The following CFAP251 variants were observed in gnomAD, a reference collection of about 807,000 sequenced individuals.
CFAP251 encodes cilia and flagella associated protein 251.
In CFAP251, 93 loss-of-function variants were observed where a neutral mutation model predicts 126.7. That is an observed-to-expected ratio of 0.73 (90% CI 0.62 to 0.87). The LOEUF is 0.87. Ranked by LOEUF, CFAP251 falls within the 40% of genes least tolerant of loss-of-function variation. CFAP251 has a pLI of 0.00. For missense variants in CFAP251, 1,287 were observed against 1,389.2 expected, an observed-to-expected ratio of 0.93 and a Z score of 1.17; for synonymous variants, 503 against 506.9, an observed-to-expected ratio of 0.99 and a Z score of 0.10.
Position 121,960,745 on chromosome 12 carries a change from C to T in CFAP251, c.2294C>T (p.Thr765Ile), listed in dbSNP as rs1443445605. 1.2e-6 allele frequency: 2 copies of T among 1,613,340 alleles called. No homozygotes were observed. Among genetic ancestry groups the T allele is most frequent in the African/African-American group, 2.7e-5 (2 of 75,032 alleles). The change falls in exon 14 of 22, where the codon ACA (threonine) becomes ATA (isoleucine). Residue 765 changes from threonine (T) to isoleucine (I), a missense_variant. Thr to Ile is a moderately conservative substitution (Grantham distance 89). Transcript: ENST00000288912. ...SNEPRLLSLG[T>I]DRLLIEYDLL... ...GAGCCTAGACTGCTGAGCCTTGGGA[C>T]AGACAGGCTCTTGGTGAGCTGTTTA...
At chr12:121,964,317 T>G (rs1882048767) in intron 15 of CFAP251, among the ~76,000 whole-genome samples, 1 of 152,198 alleles carries the variant, frequency 6.6e-6, no homozygotes, top group South Asian at 2.1e-4. Context: ...TTTAGAAAGA[T>G]TTCAGAATCA....
In CFAP251 at chr12:121,921,415, A is replaced by T. The variant is rs1474600079; in HGVS notation, c.110A>T (p.Gln37Leu). The change falls in exon 2 of 22, where the codon CAA becomes CTA. Residue 37 changes from glutamine (Q) to leucine (L), a missense_variant. Gln to Leu is a moderately radical substitution (Grantham distance 113). Transcript: ENST00000288912. The part of the protein sequence containing the change: ...NPNYKEVEDP[Q>L]QESKDDTIAW... Reference sequence around the variant, plus strand: ...AATTATAAAGAAGTAGAAGATCCACAACAGGAATCAAAAGATGACACAATA... The same window carrying T: ...AATTATAAAGAAGTAGAAGATCCACTACAGGAATCAAAAGATGACACAATA... 6.2e-7 allele frequency: 1 copy of T among 1,614,108 alleles called. No individual in the cohort carries two copies. Among genetic ancestry groups the T allele is most frequent in the Non-Finnish European group, 8.5e-7 (1 of 1,180,036 alleles).
chr12:121,979,563 C>CTTCTTTTTTTTTT (rs751383402), intron 19 of CFAP251, among the ~76,000 whole-genome samples: 2 of 84,976 alleles, frequency 2.4e-5, no homozygotes, highest in East Asian at 8.6e-4. Flanking sequence ...CTTTCTTCTT[C>CTTCTTTTTTTTTT]TTTTTTTTTT....
chr12:121,938,076 C>T (rs1880959738), intron 5 of CFAP251, among the ~76,000 whole-genome samples: 1 of 152,104 alleles, frequency 6.6e-6, no homozygotes. Context: ...GTGATCATGG[C>T]TCACTGCAGC....
In CFAP251 at chr12:121,921,240, T is replaced by C. The variant is rs963441349; in HGVS notation, c.-20-46T>C. ...AGGTTAGTGCACTAGGAGATGGAAA[T>C]GGGAAGCTGAGGGCCAGCTGGTTAT... is the stretch of plus-strand genomic sequence containing the variant. On this transcript the variant is annotated intron_variant, in intron 1 of 21. Coordinates refer to ENST00000288912, the MANE Select transcript of CFAP251 (RefSeq NM_144668.6). 4 of 1,520,710 alleles carry C rather than the reference T, an allele frequency of 2.6e-6. No homozygotes were observed. In the Admixed American group the frequency reaches 6.9e-5, roughly 26 times the overall value. The allele number at this position is 1,520,710 out of a possible 1,614,324, so 94.2% of individuals were successfully genotyped here.
chr12:121,979,782 T>A (rs1882573333), intron 19 of CFAP251, among the ~76,000 whole-genome samples: 1 of 151,992 alleles, frequency 6.6e-6, no homozygotes, highest in Non-Finnish European at 1.5e-5. Flanking sequence ...GCCAGGCTGG[T>A]CTCGAACTCC....
chr12:121,953,151 C>T (rs571206435), intron 9 of CFAP251: 1 of 152,326 alleles, frequency 6.6e-6, no homozygotes, highest in African/African-American at 2.4e-5. Context: ...CCATAAAGCA[C>T]ATCACAGCAT....
chr12:121,978,231 A>C (rs1382306372), intron 19 of CFAP251, among the ~76,000 whole-genome samples: 1 of 150,524 alleles, frequency 6.6e-6, no homozygotes, highest in Non-Finnish European at 1.5e-5. Context: ...TCTCTACTAA[A>C]AAAATACAAA....
In CFAP251 at chr12:121,921,486, G is replaced by A. The variant is rs114531812; in HGVS notation, c.181G>A (p.Glu61Lys). 6.2e-7 allele frequency: 1 copy of A among 1,605,756 alleles called. No individual in the cohort carries two copies. Among genetic ancestry groups the A allele is most frequent in the East Asian group, 2.2e-5 (1 of 44,598 alleles). Residue 61 changes from glutamate to lysine, a missense_variant, in exon 2 of 22, where the codon GAA (glutamate) becomes AAA (lysine). Glu to Lys is a moderately conservative substitution (Grantham distance 56, BLOSUM62 1). Coordinates refer to ENST00000288912, the MANE Select transcript of CFAP251 (RefSeq NM_144668.6). ...GGAGGAGAGGAAAACGGGCGAGGAG[G>A]AAGGGGAGGAGGAGGGGAAGGAGGA... ...QEEERKTGEE[E>K]GEEEGKEDKK...
At chr12:121,938,519 A>T (rs1341810706) in intron 5 of CFAP251, among the ~76,000 whole-genome samples, 1 of 150,168 alleles carries the variant, frequency 6.7e-6, no homozygotes, top group East Asian at 2.0e-4. Flanking sequence ...TAATAGATAC[A>T]GGGTTTCACC....
rs748582752 is a variant in CFAP251 at position 121,960,770 on chromosome 12, A to G, written c.2307+12A>G. 1.6e-5 allele frequency: 26 copies of G among 1,611,926 alleles called. No homozygotes were observed. The highest frequency in any genetic ancestry group is 2.1e-5 in the Non-Finnish European group (25 of 1,179,478). ...CAGACAGGCTCTTGGTGAGCTGTTT[A>G]GTTTTCGTTGACCTGGTCGCCAAGA... is the stretch of plus-strand genomic sequence containing the variant. On this transcript the variant is annotated intron_variant, in intron 14 of 21. Transcript: ENST00000288912.
At chr12:121,952,240 TAAAAAA>T (rs558861973) in intron 9 of CFAP251, among the ~76,000 whole-genome samples, 10 of 92,098 alleles carry the variant, frequency 1.1e-4, no homozygotes, top group African/African-American at 6.2e-4. Flanking sequence ...TCGTTTCTAC[TAAAAAA>T]AAAAAAAAAA....
chr12:121,934,704 G>A (rs1039893082), intron 5 of CFAP251, among the ~76,000 whole-genome samples: 1 of 152,120 alleles, frequency 6.6e-6, no homozygotes, highest in African/African-American at 2.4e-5. Flanking sequence ...GTTCGATTTC[G>A]ATCTGTTTGC....
At chr12:121,995,915 G>A (rs1883012489) in intron 19 of CFAP251, among the ~76,000 whole-genome samples, 1 of 152,186 alleles carries the variant, frequency 6.6e-6, no homozygotes, top group Non-Finnish European at 1.5e-5. Context: ...ATATGCATGT[G>A]TATTTTATAT....
At chr12:121,977,096 T>C (rs1379288613) in intron 19 of CFAP251, among the ~76,000 whole-genome samples, 2 of 152,186 alleles carry the variant, frequency 1.3e-5, no homozygotes, top group East Asian at 1.9e-4. Context: ...AGTGTCCTTA[T>C]ACAAACACAG....
At chr12:121,952,240 T>TAAAAAAAAAAAAAAAAAAAA (rs558861973) in intron 9 of CFAP251, among the ~76,000 whole-genome samples, 5 of 92,084 alleles carry the variant, frequency 5.4e-5, no homozygotes, top group South Asian at 4.5e-4. Flanking sequence ...TCGTTTCTAC[T>TAAAAAAAAAAAAAAAAAAAA]AAAAAAAAAA....
In CFAP251 at chr12:121,989,091, C is replaced by T. The variant is rs574319640; in HGVS notation, c.3007-10625C>T. Among the ~76,000 whole-genome samples, 2 of 152,252 alleles carry T rather than the reference C, an allele frequency of 1.3e-5. No homozygotes were observed. Among genetic ancestry groups the T allele is most frequent in the South Asian group, 2.1e-4 (1 of 4,816 alleles). On this transcript the variant is annotated intron_variant, in intron 19 of 21. Coordinates refer to ENST00000288912, the MANE Select transcript of CFAP251 (RefSeq NM_144668.6). This position sits in a 1 kb window ranked among gnomAD's most constrained non-coding sequence, Gnocchi z 4.2. The stretch of plus-strand genomic sequence containing the variant: ...ATCTGGGGCTTTAGGGTGCATGAGG[C>T]AGGATCAGGATTTTAGAGAGCTGTG...
At chr12:122,002,081 G>A (rs992195168) in intron 21 of CFAP251, among the ~76,000 whole-genome samples, 1 of 151,776 alleles carries the variant, frequency 6.6e-6, no homozygotes, top group African/African-American at 2.4e-5. Flanking sequence ...CAGGCTGGGC[G>A]CAGTGGCTCA....
chr12:121,945,121 T>C (rs1217222746), intron 7 of CFAP251, among the ~76,000 whole-genome samples: 2 of 152,070 alleles, frequency 1.3e-5, no homozygotes, highest in African/African-American at 2.4e-5. Context: ...TTGGGTATTG[T>C]CATCTATTCC....
Sources: allele counts gnomAD v4.1 joint callset (sites outside exome capture counted in the v4.1 genomes callset), GRCh38; gene constraint gnomAD v4.1.1; non-coding constraint Gnocchi (gnomAD v3.1); transcripts MANE v1.5; gene names NCBI Gene and HGNC (gene_info 2026-07-23, HGNC 2026-07-21).